The following ASIC4 variants were observed in gnomAD, a reference collection of about 807,000 sequenced individuals.
The protein encoded by ASIC4 is acid sensing ion channel subunit family member 4.
Under a neutral mutation model 53.4 loss-of-function variants are expected in ASIC4, and 28 were observed. That is an observed-to-expected ratio of 0.52 (90% CI 0.39 to 0.72). The LOEUF (loss-of-function observed/expected upper bound fraction) is 0.72. Among genes scored for constraint, ASIC4 ranks in the 30% least tolerant of loss-of-function variants. The probability of loss-of-function intolerance (pLI) is 0.00; values close to 1 mark genes in which losing one functional copy is unlikely to be tolerated. For missense variants in ASIC4, 649 were observed against 729.7 expected (o/e 0.89, Z 1.27); for synonymous variants, 289 against 301.4 (o/e 0.96, Z 0.43).
Position 219,537,726 on chromosome 2 carries a change from T to C in ASIC4, c.1496T>C (p.Leu499Pro). The C allele has an allele frequency of 3.1e-6, 5 of 1,613,514 alleles. No individual in the cohort carries two copies. The highest frequency in any genetic ancestry group is 3.4e-6 in the Non-Finnish European group (4 of 1,179,714). Residue 499 changes from leucine to proline, a missense_variant, in exon 9 of 10, where the codon CTG becomes CCG. Transcript: ENST00000358078. This position sits in a 1 kb window ranked among gnomAD's most constrained non-coding sequence, Gnocchi z 4.9. Reference sequence around the variant, plus strand: ...ATCTCCACTTTGGGGCTTCAGGAGCTGAAGGAACAGGTGAGGACAAGCTCT... The same window carrying C: ...ATCTCCACTTTGGGGCTTCAGGAGCCGAAGGAACAGGTGAGGACAAGCTCT... The part of the protein sequence containing the change: ...GGISTLGLQE[L>P]KEQSPCPSRG...
rs540489664 is a variant in ASIC4, at chr2:219,536,323, C to T, written c.1230-743C>T. On this transcript the variant is annotated intron_variant, in intron 6 of 9. Transcript: ENST00000358078. The surrounding 1 kb of genome is among the most constrained non-coding windows in gnomAD (Gnocchi z 4.6). ...CCCTGCAGGGGGAGGCAGGAGGGAC[C>T]GCCCTGAGGCTTGGGTCTGGTCCCC... Among the ~76,000 whole-genome samples, 22 of 152,328 alleles carry T rather than the reference C, an allele frequency of 1.4e-4. No individual in the cohort carries two copies. The highest frequency in any genetic ancestry group is 1.2e-3 in the East Asian group (6 of 5,190).
rs1038428873 is a variant in ASIC4 at position 219,516,489 on chromosome 2, C to A, written c.582+1183C>A. Among the ~76,000 whole-genome samples the A allele has an allele frequency of 1.6e-4, 24 of 151,938 alleles. No individual in the cohort carries two copies. The highest frequency in any genetic ancestry group is 5.6e-4 in the African/African-American group (23 of 41,348). ...TCAGGGCTCCATTCACCCATAGTCACAGGGTATCTAGTATTCATGGCGCTC... is the reference window on the plus strand; with the variant it reads ...TCAGGGCTCCATTCACCCATAGTCAAAGGGTATCTAGTATTCATGGCGCTC... On this transcript the variant is annotated intron_variant, in intron 1 of 9. Coordinates refer to ENST00000358078, the MANE Select transcript of ASIC4 (RefSeq NM_018674.6). This position sits in a 1 kb window ranked among gnomAD's most constrained non-coding sequence, Gnocchi z 4.9.
Position 219,537,381 on chromosome 2 carries a change from A to C in ASIC4, c.1401+60A>C, listed in dbSNP as rs1695158181. ...GGCCGTGGGCAAAGCAGAAGGGGGC[A>C]GTGCGGGGTGCCTGGTGGAGCTGGC... On this transcript the variant is annotated intron_variant, in intron 8 of 9. Coordinates refer to ENST00000358078, the MANE Select transcript of ASIC4 (RefSeq NM_018674.6). This position sits in a 1 kb window ranked among gnomAD's most constrained non-coding sequence, Gnocchi z 4.9. 6.5e-7 allele frequency: 1 copy of C among 1,538,892 alleles called. No homozygotes were observed. The highest frequency in any genetic ancestry group is 8.8e-7 in the Non-Finnish European group (1 of 1,130,698).
At chr2:219,525,658 AAAGGATAGGG>A in intron 1 of ASIC4, among the ~76,000 whole-genome samples, 1 of 152,284 alleles carries the variant, frequency 6.6e-6, no homozygotes, top group South Asian at 2.1e-4. Context: ...CTGCACCTGG[AAAGGATAGGG>A]AAGGAAGAGG....
In ASIC4 at chr2:219,538,314, A is replaced by AG. The variant is rs1695184052; in HGVS notation, c.*273dup. 1 of 334,720 alleles carries AG rather than the reference A, an allele frequency of 3.0e-6. No individual in the cohort carries two copies. Among genetic ancestry groups the AG allele is most frequent in the Non-Finnish European group, 5.5e-6 (1 of 180,532 alleles). 20.7% of individuals were successfully genotyped at this position (334,720 alleles called of 1,614,324 possible). On this transcript the variant is annotated 3_prime_UTR_variant, in exon 10 of 10. Transcript: ENST00000358078. ...GAGAGGAAGGGAAGGAAGGAGAGGG[A>AG]GGGGGAGGATAGAGCCCATCCCAGC...
upstream of ASIC4, among the ~76,000 whole-genome samples, chr2:219,513,372 G>A (rs1327580457): frequency 6.6e-6 from 1 of 151,888 alleles, no homozygotes; most frequent in African/African-American, 2.4e-5. Flanking sequence ...CCAGTCAACT[G>A]AGGCTCCCAC....
chr2:219,521,450 G>A (rs1274764292), intron 1 of ASIC4, among the ~76,000 whole-genome samples: 1 of 152,226 alleles, frequency 6.6e-6, no homozygotes, highest in Non-Finnish European at 1.5e-5. Context: ...CTGCTTCTTG[G>A]GAGGAATCTG....
At chr2:219,534,780 TCCATCCATCCATCCA>T (rs1695100121) in intron 5 of ASIC4, among the ~76,000 whole-genome samples, 1 of 20,400 alleles carries the variant, frequency 4.9e-5, no homozygotes, top group Non-Finnish European at 2.9e-4. Context: ...CATCCATCCA[TCCATCCATCCATCCA>T]TCCATCCATC....
rs544146529 is a variant in ASIC4 at position 219,516,738 on chromosome 2, G to C, written c.582+1432G>C. On this transcript the variant is annotated intron_variant, in intron 1 of 9. Coordinates refer to ENST00000358078, the MANE Select transcript of ASIC4 (RefSeq NM_018674.6). This position sits in a 1 kb window ranked among gnomAD's most constrained non-coding sequence, Gnocchi z 4.9. ...CCAGGAAACATGCTCCAGCCAACGA[G>C]GTTCCTGGCCCCCACCATGCCTGCA... The C allele has an allele frequency of 1.3e-5, 2 of 152,416 alleles. No individual in the cohort carries two copies. The highest frequency in any genetic ancestry group is 1.9e-4 in the East Asian group (1 of 5,192). The allele number at this position is 152,416 out of a possible 1,614,324, so 9.4% of individuals were successfully genotyped here.
At chr2:219,511,392 G>GCCC (rs34899959), upstream of ASIC4, among the ~76,000 whole-genome samples, 3 of 139,748 alleles carry the variant, frequency 2.1e-5, no homozygotes, top group Non-Finnish European at 4.7e-5. This position sits in a 1 kb window ranked among gnomAD's most constrained non-coding sequence, Gnocchi z 5.3. Flanking sequence ...TGCATGCACT[G>GCCC]CCCCCCCCCC....
At chr2:219,532,220 G>A in intron 3 of ASIC4, 92 bp downstream of exon 3, 1 of 1,599,356 alleles carries the variant, frequency 6.3e-7, no homozygotes. Context: ...TAGAAGCTCA[G>A]AGCCTGCCAG....
chr2:219,538,136 C>A lies in ASIC4; in HGVS notation c.*90C>A. On this transcript the variant is annotated 3_prime_UTR_variant, in exon 10 of 10. Transcript: ENST00000358078. ...CCTGCTCCTGGGAGAGGCCTGGGGG[C>A]GGTGCTCACTGGGAGGGCCAGGACT... 1 of 1,139,492 alleles carries A rather than the reference C, an allele frequency of 8.8e-7. No individual in the cohort carries two copies. The highest frequency in any genetic ancestry group is 1.3e-6 in the Non-Finnish European group (1 of 774,560). The allele number at this position is 1,139,492 out of a possible 1,614,324, so 70.6% of individuals were successfully genotyped here.
In ASIC4 at chr2:219,538,241, C is replaced by T. The variant is rs1252979758; in HGVS notation, c.*195C>T. ...CCTTCTTGTCCACACCCCTTATCCC[C>T]AGGCTGGTGCCCCGGGAGGGCTGGA... On this transcript the variant is annotated 3_prime_UTR_variant, in exon 10 of 10. Coordinates refer to ENST00000358078, the MANE Select transcript of ASIC4 (RefSeq NM_018674.6). 3.4e-6 allele frequency: 2 copies of T among 594,634 alleles called. No homozygotes were observed. The highest frequency in any genetic ancestry group is 2.0e-5 in the South Asian group (1 of 50,026). The allele number at this position is 594,634 out of a possible 1,614,324, so 36.8% of individuals were successfully genotyped here.
chr2:219,533,073 C>A, intron 5 of ASIC4, 134 bp downstream of exon 5: 1 of 1,017,496 alleles, frequency 9.8e-7, no homozygotes, highest in Non-Finnish European at 1.5e-6. Context: ...AGCCTTAGCC[C>A]ATACTTCAGT....
chr2:219,513,338 G>A (rs559778499), upstream of ASIC4, among the ~76,000 whole-genome samples: 4 of 151,982 alleles, frequency 2.6e-5, no homozygotes, highest in Non-Finnish European at 5.9e-5. Context: ...CCCACCCTGG[G>A]GGCATGGATG....
upstream of ASIC4, among the ~76,000 whole-genome samples, chr2:219,513,820 G>C (rs900709715): frequency 2.0e-5 from 3 of 152,246 alleles, no homozygotes; most frequent in Admixed American, 6.5e-5. Context: ...CCTCCCAGAG[G>C]GGGCAGGGGC....
At chr2:219,526,890 G>A (rs1006006681) in intron 1 of ASIC4, among the ~76,000 whole-genome samples, 6 of 152,176 alleles carry the variant, frequency 3.9e-5, no homozygotes, top group Middle Eastern at 3.2e-3. Flanking sequence ...GAGAGGGAGG[G>A]CCAGACCAAA....
upstream of ASIC4, among the ~76,000 whole-genome samples, chr2:219,510,248 C>T (rs887544605): frequency 5.3e-5 from 8 of 151,776 alleles, no homozygotes; most frequent in Non-Finnish European, 8.8e-5. The surrounding 1 kb of genome is among the most constrained non-coding windows in gnomAD (Gnocchi z 5.2). Context: ...AGCTCTAATC[C>T]CTCCTGCTGC....
At position 219,515,014 on chromosome 2, in the gene ASIC4, A is replaced by G; in HGVS notation, c.290A>G (p.His97Arg). 2 of 1,613,370 alleles carry G rather than the reference A, an allele frequency of 1.2e-6. No homozygotes were observed. Among genetic ancestry groups the G allele is most frequent in the Non-Finnish European group, 1.7e-6 (2 of 1,179,902 alleles). ...GCCCGGGGCTACCTGACCCGGCCTC[A>G]CCTGGTGGCAATGGACCCCGCTGCC... ...GLARGYLTRP[H>R]LVAMDPAAPA... The change falls in exon 1 of 10, where the codon CAC becomes CGC. Residue 97 changes from histidine (H) to arginine (R), a missense_variant. Physicochemically the swap from His to Arg is conservative, Grantham distance 29. Coordinates refer to ENST00000358078, the MANE Select transcript of ASIC4 (RefSeq NM_018674.6).
Sources: allele counts gnomAD v4.1 joint callset (sites outside exome capture counted in the v4.1 genomes callset), GRCh38; gene constraint gnomAD v4.1.1; non-coding constraint Gnocchi (gnomAD v3.1); transcripts MANE v1.5; gene names NCBI Gene and HGNC (gene_info 2026-07-23, HGNC 2026-07-21).